The following ATRN variants were observed in gnomAD, a reference collection of about 807,000 sequenced individuals.
ATRN encodes the protein attractin-2.
Under a neutral mutation model 178.7 loss-of-function variants are expected in ATRN, and 54 were observed. The observed-to-expected ratio is 0.30, with a 90% CI of 0.24 to 0.38. The LOEUF (loss-of-function observed/expected upper bound fraction) is 0.38, where lower values mean the gene tolerates loss of function less well. Ranked by LOEUF, ATRN falls within the 10% of genes least tolerant of loss-of-function variation. The pLI, the probability that ATRN is intolerant of heterozygous loss-of-function variation, is 1.00. For synonymous variants in ATRN, 636 were observed against 663.0 expected (o/e 0.96, Z 0.63); for missense variants, 1,443 against 1,815.1 (o/e 0.79, Z 3.73).
chr20:3,597,979 T>C lies in ATRN; in HGVS notation c.3543T>C (p.Asn1181=), dbSNP rs756171479. 6.2e-7 allele frequency: 1 copy of C among 1,610,828 alleles called. No homozygotes were observed. Among genetic ancestry groups the C allele is most frequent in the South Asian group, 1.1e-5 (1 of 90,988 alleles). The change falls in exon 22 of 29, where the codon AAT becomes AAC. Residue 1181 remains asparagine (N), a synonymous_variant. Transcript: ENST00000262919. Reference sequence around the variant, plus strand: ...ATGATCGCTATTACACAGCTATCAATTTTGTGGCTACTCCTGACGAAGTAA... The same window carrying C: ...ATGATCGCTATTACACAGCTATCAACTTTGTGGCTACTCCTGACGAAGTAA... ...QEDDRYYTAI[N]FVATPDEQNR... is the part of the protein sequence containing the mutation.
At position 3,559,395 on chromosome 20, in the gene ATRN, A is replaced by G; in HGVS notation, c.1115A>G (p.Tyr372Cys). The G allele has an allele frequency of 6.2e-7, 1 of 1,609,216 alleles. No homozygotes were observed. Among genetic ancestry groups the G allele is most frequent in the Non-Finnish European group, 8.5e-7 (1 of 1,175,538 alleles). Residue 372 changes from tyrosine to cysteine, a missense_variant and splice_region_variant, in exon 7 of 29, where the codon TAT becomes TGT. Tyr to Cys is a radical substitution (Grantham distance 194, BLOSUM62 -2). Transcript: ENST00000262919. The stretch of plus-strand genomic sequence containing the variant: ...AATATGATCTGTTTGTTTTGTAGGT[A>G]TGACCTTGCTTCTAGGGAGTGGCTT... ...NHSDYNMVLA[Y>C]DLASREWLPL... is the part of the protein sequence containing the mutation.
At chr20:3,646,666 A>G in intron 28 of ATRN, 57 bp from the exon 29 acceptor site, 2 of 1,484,816 alleles carry the variant, frequency 1.3e-6, no homozygotes, top group Non-Finnish European at 1.8e-6. Flanking sequence ...ATTATTTTTT[A>G]AAACAAAATA....
intron 1 of ATRN, among the ~76,000 whole-genome samples, chr20:3,499,721 C>T (rs542687123): frequency 6.7e-6 from 1 of 149,640 alleles, no homozygotes; most frequent in South Asian, 2.1e-4. Flanking sequence ...GACCTAAAAC[C>T]ATAAAAACCC....
At position 3,549,155 on chromosome 20, in the gene ATRN, T is replaced by G. The variant is rs1600097478; in HGVS notation, c.944-15T>G. On this transcript the variant is annotated splice_polypyrimidine_tract_variant and intron_variant, in intron 5 of 28. Coordinates refer to ENST00000262919, the MANE Select transcript of ATRN (RefSeq NM_139321.3). ...AGCTGTCTTTTGTGAAGCTAATTCA[T>G]TATGTTTTTATTAGGTCCTGGATGT... 1 of 1,565,522 alleles carries G rather than the reference T, an allele frequency of 6.4e-7. No homozygotes were observed.
intron 1 of ATRN, among the ~76,000 whole-genome samples, chr20:3,493,500 G>A (rs190274036): frequency 1.8e-4 from 27 of 152,018 alleles, no homozygotes; most frequent in African/African-American, 6.5e-4. Context: ...TCACAGTGTT[G>A]CCTAGGCTGG....
chr20:3,595,208 T>A (rs2146278050), intron 20 of ATRN, among the ~76,000 whole-genome samples: 1 of 152,330 alleles, frequency 6.6e-6, no homozygotes, highest in African/African-American at 2.4e-5. Context: ...CAGTAATTGT[T>A]TTTGGTGTCC....
At chr20:3,490,791 G>A in intron 1 of ATRN, 1 of 794,046 alleles carries the variant, frequency 1.3e-6, no homozygotes, top group Non-Finnish European at 2.3e-6. Flanking sequence ...ACTGGGTCCT[G>A]AAATGGCATT....
In ATRN at chr20:3,547,361, A is replaced by G. The variant is rs1292032792; in HGVS notation, c.815A>G (p.Glu272Gly). The G allele has an allele frequency of 1.9e-6, 3 of 1,613,952 alleles. No individual in the cohort carries two copies. The African/African-American group carries it at 4.0e-5, about 22-fold the overall frequency. Residue 272 changes from glutamate (E) to glycine (G), a missense_variant, in exon 5 of 29, where the codon GAA becomes GGA. Glu to Gly is a moderately conservative substitution (Grantham distance 98). Coordinates refer to ENST00000262919, the MANE Select transcript of ATRN (RefSeq NM_139321.3). Reference sequence around the variant, plus strand: ...AATAGCAGCGATACTGTTGAATGTGAATGTTCTGAAAACTGGAAAGGTGAA... The same window carrying G: ...AATAGCAGCGATACTGTTGAATGTGGATGTTCTGAAAACTGGAAAGGTGAA... ...ISNSSDTVEC[E>G]CSENWKGEAC...
intron 9 of ATRN, 73 bp downstream of exon 9, chr20:3,562,532 C>T (rs2146224350): frequency 1.3e-6 from 2 of 1,498,262 alleles, no homozygotes; most frequent in East Asian, 2.3e-5. Flanking sequence ...AAATATTGTG[C>T]TATCTTTTTG....
At chr20:3,591,429 C>A in intron 19 of ATRN, 123 bp downstream of exon 19, 1 of 1,222,790 alleles carries the variant, frequency 8.2e-7, no homozygotes, top group Non-Finnish European at 1.1e-6. Context: ...CTTATTAAAT[C>A]ATACTGGTCA....
At chr20:3,590,140 AG>A (rs1199292692) in intron 18 of ATRN, among the ~76,000 whole-genome samples, 1 of 152,068 alleles carries the variant, frequency 6.6e-6, no homozygotes, top group African/African-American at 2.4e-5. Context: ...TAGTAGAGAC[AG>A]GGTTTCACTG....
intron 1 of ATRN, among the ~76,000 whole-genome samples, chr20:3,494,374 C>G (rs1199736081): frequency 6.6e-6 from 1 of 152,030 alleles, no homozygotes; most frequent in Non-Finnish European, 1.5e-5. Context: ...GGTTTCCAGG[C>G]AAGTTTTGAC....
chr20:3,636,416 C>T lies in ATRN; in HGVS notation c.3942+2027C>T, dbSNP rs79606133. On this transcript the variant is annotated intron_variant, in intron 26 of 28. Transcript: ENST00000262919. ...CTTCCTAGTGGCCCAGAAATCATTT[C>T]GTCATTTATTGAAACTCAATATCCA... Among the ~76,000 whole-genome samples, 7 of 152,254 alleles carry T rather than the reference C, an allele frequency of 4.6e-5. No individual in the cohort carries two copies. In the East Asian group the frequency reaches 5.8e-4, roughly 13 times the overall value.
At chr20:3,508,250 T>C (rs761369571) in intron 1 of ATRN, among the ~76,000 whole-genome samples, 15 of 151,562 alleles carry the variant, frequency 9.9e-5, no homozygotes, top group Non-Finnish European at 1.8e-4. Flanking sequence ...TACCTTCTTA[T>C]TATAAACAAT....
chr20:3,550,357 T>C (rs1211681525), intron 6 of ATRN, among the ~76,000 whole-genome samples: 1 of 152,218 alleles, frequency 6.6e-6, no homozygotes, highest in Non-Finnish European at 1.5e-5. Context: ...ACTAGTGCCA[T>C]GCTGTTACTG....
intron 1 of ATRN, among the ~76,000 whole-genome samples, chr20:3,482,316 A>G (rs1379439010): frequency 1.3e-5 from 2 of 151,930 alleles, no homozygotes; most frequent in Non-Finnish European, 2.9e-5. Context: ...GTATATTAAC[A>G]TAGAGATTGA....
chr20:3,562,981 G>A (rs1314792509), intron 9 of ATRN, among the ~76,000 whole-genome samples: 2 of 152,174 alleles, frequency 1.3e-5, no homozygotes, highest in Non-Finnish European at 2.9e-5. Context: ...ATATAGCTAC[G>A]GGGTATGAAG....
intron 8 of ATRN, among the ~76,000 whole-genome samples, chr20:3,561,237 C>T (rs887419587): frequency 2.6e-5 from 4 of 152,154 alleles, no homozygotes; most frequent in Admixed American, 2.0e-4. Flanking sequence ...GCAGGAGAAT[C>T]GCTTGAACCC....
chr20:3,530,328 A>G (rs1017918765), intron 1 of ATRN, among the ~76,000 whole-genome samples: 11 of 150,198 alleles, frequency 7.3e-5, no homozygotes, highest in African/African-American at 2.4e-4. Flanking sequence ...AAGTGGTGCG[A>G]TCTCAGCTCA....
Sources: allele counts gnomAD v4.1 joint callset (sites outside exome capture counted in the v4.1 genomes callset), GRCh38; gene constraint gnomAD v4.1.1; transcripts MANE v1.5; gene names NCBI Gene and HGNC (gene_info 2026-07-23, HGNC 2026-07-21).